The following AHNAK variants were observed in gnomAD, a reference collection of about 807,000 sequenced individuals.
AHNAK encodes AHNAK nucleoprotein.
A neutral mutation model predicts 37.8 loss-of-function variants in AHNAK; 23 were observed. That is an observed-to-expected ratio of 0.61 (90% CI 0.44 to 0.86). AHNAK has a LOEUF of 0.86. AHNAK is among the 40% of genes least tolerant of loss of function. The pLI is 0.00. For synonymous variants in AHNAK, 2,481 were observed against 2,636.3 expected, an observed-to-expected ratio of 0.94 and a Z score of 1.80; for missense variants, 7,411 against 7,319.4, an observed-to-expected ratio of 1.01 and a Z score of -0.46.
intron 5 of AHNAK, among the ~76,000 whole-genome samples, chr11:62,446,261 C>T (rs1395502181): frequency 1.3e-5 from 2 of 152,124 alleles, no homozygotes; most frequent in Non-Finnish European, 2.9e-5. Flanking sequence ...TGACCAGGAC[C>T]TGAACCTGGA....
rs1169617014 is a variant in AHNAK, at chr11:62,483,873, AC to A, written c.442+7858del. Among the ~76,000 whole-genome samples the A allele has an allele frequency of 4.4e-4, 66 of 148,316 alleles. 1 individual carries two copies. Among genetic ancestry groups the A allele is most frequent in the African/African-American group, 1.6e-3 (63 of 40,310 alleles). ...GACTCCATCTCAAAAAAAAAAAAAA[AC>A]AAACTACAAAAAATTAGCCAGGCGC... On this transcript the variant is annotated intron_variant, in intron 5 of 5. Coordinates refer to the AHNAK transcript ENST00000257247.
In AHNAK at chr11:62,521,906, C is replaced by A. The variant is rs1173150309; in HGVS notation, c.12511G>T (p.Asp4171Tyr). 6.2e-7 allele frequency: 1 copy of A among 1,613,020 alleles called. No homozygotes were observed. The highest frequency in any genetic ancestry group is 8.5e-7 in the Non-Finnish European group (1 of 1,179,852). ...PEVDIKGPKVDIDVPDVDVQG... is the reference protein window; with the variant it reads ...PEVDIKGPKVYIDVPDVDVQG... ...ACGTCCACATCTGGGACATCAATGT[C>A]CACTTTGGGGCCCTTGATGTCAACT... Residue 4171 changes from aspartate (D) to tyrosine (Y), a missense_variant, in exon 5 of 5, where the codon GAC (aspartate) becomes TAC (tyrosine). Coordinates refer to ENST00000378024, the MANE Select transcript of AHNAK (RefSeq NM_001620.3).
chr11:62,522,673 T>A lies in AHNAK; in HGVS notation c.11744A>T (p.Asp3915Val), dbSNP rs749199304. 2 of 1,612,900 alleles carry A rather than the reference T, an allele frequency of 1.2e-6. No homozygotes were observed. The highest frequency in any genetic ancestry group is 1.1e-5 in the South Asian group (1 of 91,036). The change falls in exon 5 of 5, where the codon GAT becomes GTT. Residue 3915 changes from aspartate to valine, a missense_variant. Asp to Val is a radical substitution (Grantham distance 152). Coordinates refer to ENST00000378024, the MANE Select transcript of AHNAK (RefSeq NM_001620.3). The stretch of plus-strand genomic sequence containing the variant: ...AACATCCACATCTGGGGCATTAATA[T>A]CCACTTTGGGGCCTTTAATATCCAA... ...PDLDIKGPKVDINAPDVDVRG... is the reference protein window; with the variant it reads ...PDLDIKGPKVVINAPDVDVRG...
Position 62,519,867 on chromosome 11 carries a change from G to A in AHNAK, c.14550C>T (p.Ser4850=). The A allele has an allele frequency of 1.2e-6, 2 of 1,614,114 alleles. No homozygotes were observed. Among genetic ancestry groups the A allele is most frequent in the Non-Finnish European group, 8.5e-7 (1 of 1,179,998 alleles). Residue 4850 remains serine (S), a synonymous_variant, in exon 5 of 5, where the codon TCC becomes TCT. Coordinates refer to ENST00000378024, the MANE Select transcript of AHNAK (RefSeq NM_001620.3). ...TCAAATCCAGGTCAACATCAGGTAT[G>A]GAGATCTTGGGAGCTTTGATATTTA... ...PEINIKAPKI[S]IPDVDLDLKG... is the part of the protein sequence containing the mutation.
At chr11:62,545,505 GCA>G (rs374985954) in intron 1 of AHNAK, 2 of 153,388 alleles carry the variant, frequency 1.3e-5, no homozygotes, top group South Asian at 2.1e-4. Flanking sequence ...CTCGCACACT[GCA>G]CACACACACC....
downstream of AHNAK, among the ~76,000 whole-genome samples, chr11:62,511,309 G>T (rs1939907886): frequency 6.6e-6 from 1 of 151,830 alleles, no homozygotes; most frequent in Admixed American, 6.6e-5. Flanking sequence ...CTGGACTGCA[G>T]TAGCATGATC....
At chr11:62,543,647 G>A (rs1056660854) in intron 1 of AHNAK, among the ~76,000 whole-genome samples, 1 of 152,140 alleles carries the variant, frequency 6.6e-6, no homozygotes, top group African/African-American at 2.4e-5. Flanking sequence ...ACACTCCCTC[G>A]GGCACACCCA....
Position 62,519,056 on chromosome 11 carries a change from C to G in AHNAK, c.15361G>C (p.Asp5121His), listed in dbSNP as rs1184047514. The change falls in exon 5 of 5, where the codon GAT becomes CAT. Residue 5121 changes from aspartate to histidine, a missense_variant. Coordinates refer to ENST00000378024, the MANE Select transcript of AHNAK (RefSeq NM_001620.3). ...ATCGCTGGCAAAGAAAGTTCCAGAT[C>G]AGGTGCCTGGAGTTCACCCTCCAGT... is the stretch of plus-strand genomic sequence containing the variant. The part of the protein sequence containing the change: ...PKLEGELQAP[D>H]LELSLPAIHV... 2 of 1,612,992 alleles carry G rather than the reference C, an allele frequency of 1.2e-6. No individual in the cohort carries two copies. The highest frequency in any genetic ancestry group is 1.7e-6 in the Non-Finnish European group (2 of 1,179,390).
intron 5 of AHNAK, among the ~76,000 whole-genome samples, chr11:62,438,101 G>A (rs1938217186): frequency 6.6e-6 from 1 of 151,650 alleles, no homozygotes; most frequent in Middle Eastern, 3.4e-3. Flanking sequence ...GAATAATGAT[G>A]TTGAGCACCT....
At position 62,523,380 on chromosome 11, in the gene AHNAK, G is replaced by A; in HGVS notation, c.11037C>T (p.Asn3679=). Residue 3679 remains asparagine, a synonymous_variant, in exon 5 of 5, where the codon AAC becomes AAT. Coordinates refer to ENST00000378024, the MANE Select transcript of AHNAK (RefSeq NM_001620.3). ...PKISMPDFDL[N]LKGPKMKGDV... Reference sequence around the variant, plus strand: ...CACCCTTCATTTTGGGTCCCTTCAAGTTCAGGTCAAAGTCAGGCATGGAGA... The same window carrying A: ...CACCCTTCATTTTGGGTCCCTTCAAATTCAGGTCAAAGTCAGGCATGGAGA... 2 of 1,612,934 alleles carry A rather than the reference G, an allele frequency of 1.2e-6. No homozygotes were observed. Among genetic ancestry groups the A allele is most frequent in the African/African-American group, 1.3e-5 (1 of 74,808 alleles).
chr11:62,433,759 C>G (rs765354532), exon 6 of AHNAK: 1 of 1,379,184 alleles, frequency 7.3e-7, no homozygotes, highest in Non-Finnish European at 1.0e-6. Context: ...GGAAGGTATT[C>G]CTTTAACTGC....
At chr11:62,491,311 G>A (rs1939501361) in intron 5 of AHNAK, among the ~76,000 whole-genome samples, 1 of 152,088 alleles carries the variant, frequency 6.6e-6, no homozygotes, top group Non-Finnish European at 1.5e-5. Context: ...TCCTTTAGAG[G>A]ATCAAAAAGA....
chr11:62,491,609 G>T, intron 5 of AHNAK: 1 of 870,012 alleles, frequency 1.1e-6, no homozygotes, highest in Non-Finnish European at 1.8e-6. Context: ...GGCTCCTGGG[G>T]TCCTGAGCCA....
chr11:62,435,177 C>A (rs139349843), intron 5 of AHNAK, among the ~76,000 whole-genome samples: 4 of 152,258 alleles, frequency 2.6e-5, no homozygotes, highest in African/African-American at 9.6e-5. Context: ...GAAGACTCAG[C>A]CAAATAATAC....
intron 4 of AHNAK, among the ~76,000 whole-genome samples, chr11:62,494,873 G>A (rs12279778): frequency 0.027 from 4,034 of 151,902 alleles, 211 homozygotes; most frequent in African/African-American, 0.092. Context: ...GATGGCGGGC[G>A]CCTGTAATCT....
At chr11:62,435,474 G>A (rs539735621) in intron 5 of AHNAK, among the ~76,000 whole-genome samples, 94 of 151,982 alleles carry the variant, frequency 6.2e-4, no homozygotes, top group African/African-American at 2.0e-3. Flanking sequence ...GCAGTGGCGC[G>A]ATCTTGGCTC....
chr11:62,475,387 A>C (rs559527937), intron 5 of AHNAK, among the ~76,000 whole-genome samples: 39 of 152,284 alleles, frequency 2.6e-4, no homozygotes, highest in African/African-American at 8.9e-4. Context: ...GGTGGAGGCC[A>C]TTATCCTCAG....
chr11:62,524,159 C>A lies in AHNAK; in HGVS notation c.10258G>T (p.Val3420Leu). Residue 3420 changes from valine (V) to leucine (L), a missense_variant, in exon 5 of 5, where the codon GTG becomes TTG. Physicochemically the swap from Val to Leu is conservative, Grantham distance 32. Transcript: ENST00000378024. Reference protein sequence around the residue: ...ISSPKVSMPDVELNLKSPKVK... With the variant: ...ISSPKVSMPDLELNLKSPKVK... ...TTGGGACTTTTCAAATTTAGCTCCA[C>A]GTCAGGCATAGAAACTTTGGGAGAT... 1 of 1,614,076 alleles carries A rather than the reference C, an allele frequency of 6.2e-7. No individual in the cohort carries two copies.
chr11:62,486,584 G>A (rs1349661148), intron 5 of AHNAK, among the ~76,000 whole-genome samples: 1 of 152,098 alleles, frequency 6.6e-6, no homozygotes, highest in African/African-American at 2.4e-5. Flanking sequence ...GTTGCCGGGG[G>A]CTGGAGAATT....
Sources: allele counts gnomAD v4.1 joint callset (sites outside exome capture counted in the v4.1 genomes callset), GRCh38; gene constraint gnomAD v4.1.1; transcripts MANE v1.5; gene names NCBI Gene and HGNC (gene_info 2026-07-23, HGNC 2026-07-21).